The following SNX32 variants were observed in gnomAD, a reference collection of about 807,000 sequenced individuals.
SNX32 encodes sorting nexin 32.
A neutral mutation model predicts 57.0 loss-of-function variants in SNX32; 58 were observed. That is an observed-to-expected ratio of 1.02 (90% CI 0.82 to 1.27). The LOEUF is 1.27. SNX32 is among the 50% of genes most tolerant of loss of function. The pLI is 0.00. For synonymous variants in SNX32, 262 were observed against 220.4 expected (o/e 1.19, Z -1.67); for missense variants, 589 against 541.2 (o/e 1.09, Z -0.88).
rs1859194228 is a variant in SNX32, at chr11:65,851,469, C to G, written c.785+66C>G. 5 of 1,573,070 alleles carry G rather than the reference C, an allele frequency of 3.2e-6. No homozygotes were observed. The Admixed American group carries it at 6.8e-5, about 21-fold the overall frequency. ...AATACCATGTCTTCCCATGAGGGGT[C>G]ACTCTGTAGATGTCTACTGTCAGCT... On this transcript the variant is annotated intron_variant, in intron 8 of 12. Coordinates refer to ENST00000308342, the MANE Select transcript of SNX32 (RefSeq NM_152760.3).
chr11:65,848,349 G>T (rs1859058367), intron 1 of SNX32, among the ~76,000 whole-genome samples: 1 of 151,586 alleles, frequency 6.6e-6, no homozygotes, highest in Non-Finnish European at 1.5e-5. Context: ...GAGGTGGGAG[G>T]ATTGCTTGAG....
intron 1 of SNX32, chr11:65,835,507 A>G (rs1185722358): frequency 6.6e-6 from 1 of 152,286 alleles, no homozygotes; most frequent in Non-Finnish European, 1.5e-5. Context: ...TTCCTTCAGC[A>G]AAGAGTTGTC....
Position 65,834,008 on chromosome 11 carries a change from C to G in SNX32, c.-58C>G, listed in dbSNP as rs937401624. 2.6e-6 allele frequency: 4 copies of G among 1,540,926 alleles called. No individual in the cohort carries two copies. The highest frequency in any genetic ancestry group is 4.0e-5 in the Admixed American group (2 of 50,336). On this transcript the variant is annotated 5_prime_UTR_variant, in exon 1 of 13. Coordinates refer to ENST00000308342, the MANE Select transcript of SNX32 (RefSeq NM_152760.3). ...CTCGGTCAGTTCCTCGGGCGAGTTA[C>G]GGGGACGACCTGCGGGAGCACGCGG...
chr11:65,834,012 G>A lies in SNX32; in HGVS notation c.-54G>A. On this transcript the variant is annotated 5_prime_UTR_variant, in exon 1 of 13. Transcript: ENST00000308342. ...GTCAGTTCCTCGGGCGAGTTACGGG[G>A]ACGACCTGCGGGAGCACGCGGGCAG... The A allele has an allele frequency of 3.2e-6, 5 of 1,544,572 alleles. No individual in the cohort carries two copies. The highest frequency in any genetic ancestry group is 4.4e-6 in the Non-Finnish European group (5 of 1,142,744).
chr11:65,837,947 G>A (rs182040724), intron 1 of SNX32, among the ~76,000 whole-genome samples: 45 of 152,156 alleles, frequency 3.0e-4, no homozygotes, highest in African/African-American at 9.9e-4. Flanking sequence ...CCTGAGGTCA[G>A]GAGTTTGAGA....
At chr11:65,851,512 G>A (rs886958591) in intron 8 of SNX32, 109 bp downstream of exon 8, 40 of 1,510,624 alleles carry the variant, frequency 2.6e-5, no homozygotes, top group Middle Eastern at 3.4e-4. Context: ...GGAGGTGTAG[G>A]CTCTCCTGTT....
rs758167032 is a variant in SNX32, at chr11:65,852,756, C to T, written c.1039C>T (p.Arg347Cys). ...AESHQQLCCQ[R>C]FERLSDSAKQ... ...GAGCCACCAGCAGCTGTGCTGCCAA[C>T]GCTTCGAGCGCCTCTCCGACTCCGC... The change falls in exon 11 of 13, where the codon CGC (arginine) becomes TGC (cysteine). Residue 347 changes from arginine (R) to cysteine (C), a missense_variant. Coordinates refer to ENST00000308342, the MANE Select transcript of SNX32 (RefSeq NM_152760.3). 27 of 1,608,228 alleles carry T rather than the reference C, an allele frequency of 1.7e-5. No homozygotes were observed. The highest frequency in any genetic ancestry group is 6.7e-5 in the East Asian group (3 of 44,814).
At position 65,845,936 on chromosome 11, in the gene SNX32, T is replaced by C. The variant is rs544484042; in HGVS notation, c.37-3542T>C. Reference sequence around the variant, plus strand: ...TCTAAAGAACAGGGGCACAAAAGAATACACAATGCATAATTGCATTTCTGT... The same window carrying C: ...TCTAAAGAACAGGGGCACAAAAGAACACACAATGCATAATTGCATTTCTGT... On this transcript the variant is annotated intron_variant, in intron 1 of 12. Coordinates refer to ENST00000308342, the MANE Select transcript of SNX32 (RefSeq NM_152760.3). Among the ~76,000 whole-genome samples the C allele has an allele frequency of 4.9e-4, 75 of 152,290 alleles. No individual in the cohort carries two copies. In the South Asian group the frequency reaches 0.015, roughly 30 times the overall value.
intron 2 of SNX32, 55 bp from the exon 3 acceptor site, chr11:65,849,865 G>T: frequency 7.0e-7 from 1 of 1,432,254 alleles, no homozygotes; most frequent in Non-Finnish European, 9.5e-7. Flanking sequence ...GCCCAGACTT[G>T]CTGAGGCAGG....
intron 5 of SNX32, 82 bp from the exon 6 acceptor site, chr11:65,850,669 C>G: frequency 6.4e-7 from 1 of 1,574,218 alleles, no homozygotes; most frequent in South Asian, 1.1e-5. Flanking sequence ...AATCCTGTGT[C>G]ACAGCTCCGT....
At chr11:65,839,223 G>GTGTTTTTTTTTTTTTTT (rs755185237) in intron 1 of SNX32, among the ~76,000 whole-genome samples, 1 of 23,076 alleles carries the variant, frequency 4.3e-5, no homozygotes, top group Non-Finnish European at 7.1e-5. Flanking sequence ...TAATTTTTTT[G>GTGTTTTTTTTTTTTTTT]TATTTTTTTT....
At chr11:65,834,301 C>CTG (rs752366677) in intron 1 of SNX32, among the ~76,000 whole-genome samples, 200 bp downstream of exon 1, 6 of 149,918 alleles carry the variant, frequency 4.0e-5, no homozygotes, top group East Asian at 3.9e-4. Context: ...CTGCATATGT[C>CTG]TGTGTGTGTG....
At chr11:65,837,347 T>C (rs991424332) in intron 1 of SNX32, among the ~76,000 whole-genome samples, 2 of 151,882 alleles carry the variant, frequency 1.3e-5, no homozygotes, top group African/African-American at 4.8e-5. Flanking sequence ...CACAGAAGGG[T>C]TGACATAAAT....
At chr11:65,849,837 G>T (rs1859111071) in intron 2 of SNX32, 83 bp from the exon 3 acceptor site, 2 of 1,122,978 alleles carry the variant, frequency 1.8e-6, no homozygotes, top group Admixed American at 5.1e-5. Context: ...GTGGGATGAG[G>T]GGGGCCCAAA....
chr11:65,833,963 G>T lies in SNX32; in HGVS notation c.-103G>T. 1 of 1,344,814 alleles carries T rather than the reference G, an allele frequency of 7.4e-7. No individual in the cohort carries two copies. Among genetic ancestry groups the T allele is most frequent in the East Asian group, 2.7e-5 (1 of 37,058 alleles). The allele number at this position is 1,344,814 out of a possible 1,614,324, so 83.3% of individuals were successfully genotyped here. On this transcript the variant is annotated 5_prime_UTR_variant, in exon 1 of 13. Transcript: ENST00000308342. Reference sequence around the variant, plus strand: ...TGGCCGGGCGGGGGAGAGCGTCCCCGTCAGCTGAGAGCATCCTCACTCGGT... The same window carrying T: ...TGGCCGGGCGGGGGAGAGCGTCCCCTTCAGCTGAGAGCATCCTCACTCGGT...
rs1248869917 is a variant in SNX32 at position 65,852,860 on chromosome 11, C to G, written c.1073-13C>G. ...CCTGCCCGGATCCCCATGCCTCTTC[C>G]CCTCCTCTCCAGAGCTCATGGACTT... On this transcript the variant is annotated splice_polypyrimidine_tract_variant and intron_variant, in intron 11 of 12. Transcript: ENST00000308342. 4.3e-6 allele frequency: 7 copies of G among 1,613,950 alleles called. No individual in the cohort carries two copies. The highest frequency in any genetic ancestry group is 5.9e-6 in the Non-Finnish European group (7 of 1,179,928).
intron 1 of SNX32, among the ~76,000 whole-genome samples, chr11:65,840,782 T>G (rs1270975229): frequency 6.7e-6 from 1 of 148,158 alleles, no homozygotes. Context: ...CCATCCTGGA[T>G]GACAGAGCAA....
Position 65,834,357 on chromosome 11 carries a change from CTGTG to C in SNX32, c.36+262_36+265del, listed in dbSNP as rs541408248. 4.0e-3 allele frequency among the ~76,000 whole-genome samples: 594 copies of C among 148,822 alleles called. 2 individuals carry two copies. Among genetic ancestry groups the C allele is most frequent in the African/African-American group, 0.012 (501 of 40,252 alleles). ...TTTGTGTCTCTGTGTGTCTGTGTGT[CTGTG>C]TGTGTCTCAGTGTGTGTCTGTGTCT... is the stretch of plus-strand genomic sequence containing the variant. On this transcript the variant is annotated intron_variant, in intron 1 of 12. Transcript: ENST00000308342.
intron 4 of SNX32, 56 bp downstream of exon 4, chr11:65,850,327 A>G (rs762626541): frequency 2.5e-6 from 4 of 1,613,944 alleles, no homozygotes; most frequent in South Asian, 1.1e-5. Context: ...TTCCCCAGCT[A>G]TCTCCCCATG....
Sources: allele counts gnomAD v4.1 joint callset (sites outside exome capture counted in the v4.1 genomes callset), GRCh38; gene constraint gnomAD v4.1.1; transcripts MANE v1.5; gene names NCBI Gene and HGNC (gene_info 2026-07-23, HGNC 2026-07-21).